Variants in PYGB observed in about 807,000 individuals in gnomAD.
PYGB encodes glycogen phosphorylase, brain form.
In PYGB, 82 loss-of-function variants were observed where a neutral mutation model predicts 94.3. The observed-to-expected ratio is 0.87, with a 90% CI of 0.73 to 1.04. The LOEUF is 1.04. Among genes scored for constraint, PYGB ranks in the 50% least tolerant of loss-of-function variants. The pLI, the probability that PYGB is intolerant of heterozygous loss-of-function variation, is 0.00. For synonymous variants in PYGB, 488 were observed against 479.1 expected, an observed-to-expected ratio of 1.02 and a Z score of -0.24; for missense variants, 1,132 against 1,158.2, an observed-to-expected ratio of 0.98 and a Z score of 0.33.
intron 18 of PYGB, chr20:25,294,869 C>G (rs532762698): frequency 1.5e-6 from 2 of 1,338,504 alleles, no homozygotes; most frequent in East Asian, 4.6e-5. Flanking sequence ...AAGTTGAATC[C>G]GGCGAGGGCT....
chr20:25,292,672 G>C (rs2088480142), intron 17 of PYGB, 59 bp downstream of exon 17: 1 of 1,558,912 alleles, frequency 6.4e-7, no homozygotes, highest in East Asian at 2.3e-5. Flanking sequence ...AAGGGTGTTG[G>C]GCTGGGGGCA....
At chr20:25,295,177 T>C in intron 18 of PYGB, 3 of 852,052 alleles carry the variant, frequency 3.5e-6, no homozygotes, top group Non-Finnish European at 5.9e-6. Flanking sequence ...CAGTATTTCC[T>C]GTGTAGGCAA....
At chr20:25,280,873 C>A in intron 10 of PYGB, 76 bp from the exon 11 acceptor site, 1 of 1,533,514 alleles carries the variant, frequency 6.5e-7, no homozygotes, top group South Asian at 1.2e-5. Context: ...CATGGAGTGT[C>A]CCCTGGTCAT....
intron 1 of PYGB, among the ~76,000 whole-genome samples, chr20:25,253,705 C>T (rs953148652): frequency 2.0e-5 from 3 of 152,076 alleles, no homozygotes; most frequent in African/African-American, 7.2e-5. Context: ...TCCTTTTAAA[C>T]TTTATGTGAT....
chr20:25,261,049 G>T (rs1465025000), intron 2 of PYGB, among the ~76,000 whole-genome samples: 1 of 152,228 alleles, frequency 6.6e-6, no homozygotes, highest in African/African-American at 2.4e-5. Context: ...TCCACCTCTG[G>T]GGGCAGGGCA....
chr20:25,288,710 G>A (rs1050971593), intron 15 of PYGB: 4 of 577,256 alleles, frequency 6.9e-6, no homozygotes, highest in Non-Finnish European at 9.2e-6. Flanking sequence ...CAGCCTAGAG[G>A]GCCAGTCCCC....
chr20:25,296,303 A>T (rs2088543060), intron 19 of PYGB, 67 bp from the exon 20 acceptor site: 1 of 1,578,004 alleles, frequency 6.3e-7, no homozygotes, highest in Non-Finnish European at 8.7e-7. Context: ...AAAGTTCTGG[A>T]ATCCCATGTT....
At chr20:25,295,512 G>C (rs546962344) in intron 18 of PYGB, 92 bp from the exon 19 acceptor site, 2 of 1,423,540 alleles carry the variant, frequency 1.4e-6, no homozygotes, top group African/African-American at 2.8e-5. Context: ...CAGGTGGATG[G>C]TGCCTGGCCT....
At chr20:25,250,915 C>T (rs2092885988) in intron 1 of PYGB, 1 of 152,186 alleles carries the variant, frequency 6.6e-6, no homozygotes, top group Non-Finnish European at 1.5e-5. Flanking sequence ...TTCTATCGCC[C>T]ACTTTGTGCT....
chr20:25,255,805 C>T (rs373872585), intron 1 of PYGB, among the ~76,000 whole-genome samples: 6 of 151,774 alleles, frequency 4.0e-5, no homozygotes, highest in African/African-American at 1.5e-4. Flanking sequence ...GCGATCTCTA[C>T]TCACTGCAAC....
chr20:25,296,510 C>T lies in PYGB; in HGVS notation c.2520C>T (p.Ile840=), dbSNP rs759692944. Residue 840 remains isoleucine (I), a synonymous_variant, in exon 20 of 20, where the codon ATC becomes ATT. Coordinates refer to ENST00000216962, the MANE Select transcript of PYGB (RefSeq NM_002862.4). ...PSDLQIPPPN[I]PRD ...ACCTGCAGATCCCGCCCCCCAACATCCCCCGGGACTAGGCACACCCTGCCT... is the reference window on the plus strand; with the variant it reads ...ACCTGCAGATCCCGCCCCCCAACATTCCCCGGGACTAGGCACACCCTGCCT... The T allele has an allele frequency of 1.2e-6, 2 of 1,613,260 alleles. No individual in the cohort carries two copies. The highest frequency in any genetic ancestry group is 8.5e-7 in the Non-Finnish European group (1 of 1,179,754).
chr20:25,266,864 G>A (rs996979594), intron 2 of PYGB, among the ~76,000 whole-genome samples: 2 of 152,200 alleles, frequency 1.3e-5, no homozygotes, highest in Non-Finnish European at 2.9e-5. Flanking sequence ...AACAAGTGTT[G>A]GTGAGGATAT....
chr20:25,283,055 G>A (rs1026361772), intron 12 of PYGB, 121 bp from the exon 13 acceptor site: 57 of 819,230 alleles, frequency 7.0e-5, no homozygotes, highest in Admixed American at 2.2e-4. Flanking sequence ...CGGAGGGGCC[G>A]GACAAGCAGA....
At chr20:25,261,983 A>G (rs1354980790) in intron 2 of PYGB, among the ~76,000 whole-genome samples, 1 of 152,244 alleles carries the variant, frequency 6.6e-6, no homozygotes, top group Admixed American at 6.5e-5. Context: ...GACTATGTGA[A>G]GAGACCAATC....
chr20:25,281,860 G>A (rs1055650939), intron 11 of PYGB, among the ~76,000 whole-genome samples, 173 bp from the exon 12 acceptor site: 2 of 152,046 alleles, frequency 1.3e-5, no homozygotes, highest in African/African-American at 4.8e-5. Context: ...TGCTGCCTTC[G>A]TATGGCTCCC....
intron 7 of PYGB, 77 bp from the exon 8 acceptor site, chr20:25,278,242 C>A: frequency 1.5e-6 from 1 of 678,708 alleles, no homozygotes; most frequent in Non-Finnish European, 2.0e-6. Context: ...CACCTTTGAG[C>A]CAGGTCGCTG....
At chr20:25,279,431 G>T (rs527594469) in intron 9 of PYGB, among the ~76,000 whole-genome samples, 3 of 152,154 alleles carry the variant, frequency 2.0e-5, no homozygotes, top group Non-Finnish European at 4.4e-5. Context: ...TTTGGTGACA[G>T]CTCCCCAAAG....
rs1672800639 is a variant in PYGB at position 25,278,327 on chromosome 20, G to C, written c.864G>C (p.Glu288Asp). ...RVLYPNDNFF[E>D]GKELRLKQEY... ...TGCTCTGCTGTGTGCAGTTCTTTGA[G>C]GGGAAGGAGCTGCGGCTGAAGCAGG... The change falls in exon 8 of 20, where the codon GAG (glutamate) becomes GAC (aspartate). Residue 288 changes from glutamate to aspartate, a missense_variant. By Grantham distance (45) the Glu-to-Asp change is conservative. Transcript: ENST00000216962. The C allele has an allele frequency of 2.0e-6, 3 of 1,537,738 alleles. No homozygotes were observed. Among genetic ancestry groups the C allele is most frequent in the African/African-American group, 1.9e-5 (1 of 52,792 alleles).
intron 16 of PYGB, among the ~76,000 whole-genome samples, chr20:25,291,613 C>T (rs2088468260): frequency 6.6e-6 from 1 of 152,208 alleles, no homozygotes; most frequent in Non-Finnish European, 1.5e-5. Context: ...TGGCCAGGAA[C>T]TGTGGCTCGT....
Sources: gnomAD v4.1 joint callset for allele counts (sites outside exome capture counted in the v4.1 genomes callset) on GRCh38, gnomAD v4.1.1 for gene constraint, MANE v1.5 for transcripts, NCBI Gene and HGNC (gene_info 2026-07-23, HGNC 2026-07-21) for gene names.